Variants in SGMS2 observed in about 807,000 individuals in gnomAD.
SGMS2 encodes the protein phosphatidylcholine:ceramide cholinephosphotransferase 2.
In SGMS2, 21 loss-of-function variants were observed where a neutral mutation model predicts 43.8. The observed-to-expected ratio is 0.48, with a 90% CI of 0.34 to 0.69. SGMS2 has a LOEUF of 0.69. Among genes scored for constraint, SGMS2 ranks in the 30% least tolerant of loss-of-function variants. The pLI is 0.01. For synonymous variants in SGMS2, 167 were observed against 160.6 expected (o/e 1.04, Z -0.30); for missense variants, 384 against 443.2 (o/e 0.87, Z 1.20).
chr4:107,844,820 G>A (rs1247890353), intron 1 of SGMS2, among the ~76,000 whole-genome samples: 2 of 152,242 alleles, frequency 1.3e-5, no homozygotes, highest in Non-Finnish European at 2.9e-5. Context: ...GAGCTCATGT[G>A]TAAATGGGAT....
chr4:107,909,107 T>G (rs993428893), intron 6 of SGMS2, among the ~76,000 whole-genome samples: 5 of 146,720 alleles, frequency 3.4e-5, no homozygotes, highest in Non-Finnish European at 7.6e-5. Flanking sequence ...CTATTTTTTT[T>G]AATTTTTTTT....
intron 2 of SGMS2, among the ~76,000 whole-genome samples, chr4:107,885,810 T>C (rs1729704316): frequency 6.6e-6 from 1 of 152,168 alleles, no homozygotes; most frequent in African/African-American, 2.4e-5. Context: ...TAATAACCAG[T>C]TAGAAAACCT....
intron 2 of SGMS2, chr4:107,873,512 G>A (rs1240710797): frequency 6.6e-6 from 1 of 151,978 alleles, no homozygotes; most frequent in Non-Finnish European, 1.5e-5. Context: ...TGCAAAGAAA[G>A]ACGAGCATCA....
intron 2 of SGMS2, among the ~76,000 whole-genome samples, chr4:107,887,662 G>A (rs913199024): frequency 2.6e-5 from 4 of 152,112 alleles, no homozygotes; most frequent in African/African-American, 7.2e-5. Flanking sequence ...AATATCAAAA[G>A]TTTAAAACAC....
chr4:107,865,309 G>A (rs1728036418), intron 2 of SGMS2, among the ~76,000 whole-genome samples: 1 of 152,062 alleles, frequency 6.6e-6, no homozygotes, highest in Non-Finnish European at 1.5e-5. Context: ...AATCTTTTAC[G>A]AGAGAGGTCT....
At chr4:107,871,648 A>G (rs1728564449) in intron 2 of SGMS2, among the ~76,000 whole-genome samples, 1 of 152,042 alleles carries the variant, frequency 6.6e-6, no homozygotes, top group Non-Finnish European at 1.5e-5. Flanking sequence ...AGTATTAACC[A>G]TTGCTACATA....
intron 2 of SGMS2, among the ~76,000 whole-genome samples, chr4:107,859,734 G>A (rs1418783679): frequency 6.6e-6 from 1 of 152,114 alleles, no homozygotes; most frequent in Non-Finnish European, 1.5e-5. Flanking sequence ...ACCAGAGCAG[G>A]GAGGCACAGA....
chr4:107,903,588 A>G (rs1731315199), intron 5 of SGMS2, among the ~76,000 whole-genome samples: 1 of 151,996 alleles, frequency 6.6e-6, no homozygotes, highest in South Asian at 2.1e-4. Context: ...TCAACTAGTC[A>G]TATGTGATTT....
At chr4:107,879,747 C>T (rs1359136362) in intron 2 of SGMS2, among the ~76,000 whole-genome samples, 1 of 152,174 alleles carries the variant, frequency 6.6e-6, no homozygotes, top group Non-Finnish European at 1.5e-5. Context: ...TAGGCGTGAG[C>T]CACCGCACCT....
chr4:107,831,340 C>G (rs1213458957), intron 1 of SGMS2, among the ~76,000 whole-genome samples: 1 of 152,144 alleles, frequency 6.6e-6, no homozygotes, highest in Non-Finnish European at 1.5e-5. Flanking sequence ...AGAGGTGAAC[C>G]CTGACAGGCT....
intron 2 of SGMS2, among the ~76,000 whole-genome samples, chr4:107,879,017 A>G (rs937698175): frequency 6.6e-6 from 1 of 151,996 alleles, no homozygotes; most frequent in Non-Finnish European, 1.5e-5. Flanking sequence ...TCTCAGTTCT[A>G]CAGTTTATTG....
At chr4:107,863,087 G>A (rs889172997) in intron 2 of SGMS2, among the ~76,000 whole-genome samples, 1 of 152,114 alleles carries the variant, frequency 6.6e-6, no homozygotes, top group South Asian at 2.1e-4. Flanking sequence ...GAAGAGTTGG[G>A]GACAGGACTG....
intron 2 of SGMS2, among the ~76,000 whole-genome samples, chr4:107,895,055 A>G (rs960507183): frequency 6.6e-6 from 1 of 152,194 alleles, no homozygotes; most frequent in Non-Finnish European, 1.5e-5. Flanking sequence ...CTTTAAGGAA[A>G]TTTAAAGGGA....
At chr4:107,893,518 G>A (rs1445534784) in intron 2 of SGMS2, 3 of 152,188 alleles carry the variant, frequency 2.0e-5, no homozygotes, top group African/African-American at 7.2e-5. Flanking sequence ...CCTCTTCATT[G>A]TGCTTATTCT....
chr4:107,907,040 A>C (rs535314129), intron 5 of SGMS2, among the ~76,000 whole-genome samples: 2 of 152,278 alleles, frequency 1.3e-5, no homozygotes, highest in Non-Finnish European at 2.9e-5. Flanking sequence ...CCTGAGTCTA[A>C]CACAACAGTT....
At chr4:107,862,751 A>G (rs1560644814) in intron 2 of SGMS2, among the ~76,000 whole-genome samples, 1 of 152,198 alleles carries the variant, frequency 6.6e-6, no homozygotes, top group Non-Finnish European at 1.5e-5. Flanking sequence ...CGTCGTGCTG[A>G]ATAGATTTCT....
chr4:107,905,755 C>T (rs139537662), intron 5 of SGMS2, among the ~76,000 whole-genome samples: 1,571 of 152,276 alleles, frequency 0.01, 8 homozygotes, highest in Non-Finnish European at 0.016. Flanking sequence ...AAGGAATAGT[C>T]TACTTATCTA....
At chr4:107,858,999 T>G (rs1727579514) in intron 2 of SGMS2, among the ~76,000 whole-genome samples, 1 of 152,222 alleles carries the variant, frequency 6.6e-6, no homozygotes, top group Middle Eastern at 3.2e-3. Flanking sequence ...TATTCTGTTT[T>G]TATAGTTATC....
chr4:107,849,713 TAATA>T (rs1378643746), intron 1 of SGMS2, among the ~76,000 whole-genome samples: 3 of 152,226 alleles, frequency 2.0e-5, no homozygotes, highest in African/African-American at 4.8e-5. Flanking sequence ...CTCCTAATTG[TAATA>T]AATAGTTTTT....
Sources: gnomAD v4.1 joint callset for allele counts (sites outside exome capture counted in the v4.1 genomes callset) on GRCh38, gnomAD v4.1.1 for gene constraint, MANE v1.5 for transcripts, NCBI Gene and HGNC (gene_info 2026-07-23, HGNC 2026-07-21) for gene names.